The following PTPRM variants were observed in gnomAD, a reference collection of about 807,000 sequenced individuals.
The protein encoded by PTPRM is protein tyrosine phosphatase receptor type M, also known as receptor-type tyrosine-protein phosphatase mu.
PTPRM carries 47 observed loss-of-function variants against 186.7 expected under a neutral mutation model. The observed-to-expected ratio is 0.25, with a 90% confidence interval of 0.20 to 0.32. PTPRM has a LOEUF of 0.32. Ranked by LOEUF, PTPRM falls within the 10% of genes least tolerant of loss-of-function variation. The pLI, the probability that PTPRM is intolerant of heterozygous loss-of-function variation, is 1.00. For synonymous variants in PTPRM, 668 were observed against 674.9 expected (o/e 0.99, Z 0.16); for missense variants, 1,494 against 1,865.0 (o/e 0.80, Z 3.66).
intron 1 of PTPRM, among the ~76,000 whole-genome samples, chr18:7,768,385 CT>C (rs1469164053): frequency 3.3e-5 from 5 of 152,018 alleles, no homozygotes; most frequent in African/African-American, 1.2e-4. Context: ...CCCAGGTACT[CT>C]GGAGGCTGAG....
rs112835362 is a variant in PTPRM, at chr18:8,050,491, G to GAA, written c.1133-19185_1133-19184dup. 6.3e-4 allele frequency among the ~76,000 whole-genome samples: 90 copies of GAA among 142,770 alleles called. No homozygotes were observed. The East Asian group carries it at 0.015, about 23-fold the overall frequency. The allele number at this position is 142,770 out of a possible 152,430, so 93.7% of individuals were successfully genotyped here. A position where few individuals can be genotyped will look rare whatever the true frequency, so the allele number is the denominator to read the frequency against. On this transcript the variant is annotated intron_variant, in intron 7 of 32. Transcript: ENST00000580170. ...AGTGAATAAGTGGTATTAGTTTCCTGAAAAAAAAAAACCCTCCATACACTC... is the reference window on the plus strand; with the variant it reads ...AGTGAATAAGTGGTATTAGTTTCCTGAAAAAAAAAAAAACCCTCCATACACTC...
intron 22 of PTPRM, among the ~76,000 whole-genome samples, chr18:8,341,612 A>G (rs595649): frequency 0.48 from 73,376 of 151,788 alleles, 20,645 homozygotes; most frequent in Middle Eastern, 0.71. Flanking sequence ...TTCATCCACT[A>G]GAGCCATTGT....
intron 1 of PTPRM, among the ~76,000 whole-genome samples, chr18:7,589,625 A>G (rs1461328493): frequency 6.6e-6 from 1 of 152,174 alleles, no homozygotes; most frequent in Non-Finnish European, 1.5e-5. Flanking sequence ...TAGTAACTCA[A>G]TTCTGGTCTT....
intron 1 of PTPRM, among the ~76,000 whole-genome samples, chr18:7,676,375 T>C (rs2039336043): frequency 6.6e-6 from 1 of 152,184 alleles, no homozygotes. Context: ...TCTCTTCTTC[T>C]AGGGTGTTGG....
intron 1 of PTPRM, among the ~76,000 whole-genome samples, chr18:7,658,627 C>T (rs1568011050): frequency 6.6e-6 from 1 of 152,070 alleles, no homozygotes; most frequent in Admixed American, 6.6e-5. Flanking sequence ...TGAAGCCTAA[C>T]ATAACTTACA....
intron 22 of PTPRM, among the ~76,000 whole-genome samples, chr18:8,329,826 T>C (rs1273199517): frequency 6.6e-6 from 1 of 152,114 alleles, no homozygotes; most frequent in Non-Finnish European, 1.5e-5. Context: ...AGAGACATGG[T>C]CTCACTCTGT....
At chr18:8,193,570 C>T (rs1305922111) in intron 14 of PTPRM, among the ~76,000 whole-genome samples, 1 of 152,244 alleles carries the variant, frequency 6.6e-6, no homozygotes, top group African/African-American at 2.4e-5. Context: ...GCCAGATGCC[C>T]TCCCCACAGG....
intron 1 of PTPRM, among the ~76,000 whole-genome samples, chr18:7,714,092 T>C (rs1176369852): frequency 2.6e-5 from 4 of 152,178 alleles, no homozygotes; most frequent in African/African-American, 9.7e-5. Flanking sequence ...CACGTTGCAC[T>C]TACTCTAAAA....
intron 23 of PTPRM, among the ~76,000 whole-genome samples, chr18:8,369,692 A>G (rs1303973431): frequency 1.3e-5 from 2 of 152,258 alleles, no homozygotes; most frequent in Non-Finnish European, 1.5e-5. Flanking sequence ...ACAGCGGCCC[A>G]TGCCTGTAAC....
At chr18:7,925,470 A>G (rs2051116774) in intron 4 of PTPRM, among the ~76,000 whole-genome samples, 1 of 152,038 alleles carries the variant, frequency 6.6e-6, no homozygotes, top group Non-Finnish European at 1.5e-5. Flanking sequence ...TCCATTCCTA[A>G]TTACGTTCTG....
At chr18:7,907,782 G>A (rs1451921293) in intron 4 of PTPRM, among the ~76,000 whole-genome samples, 1 of 152,026 alleles carries the variant, frequency 6.6e-6, no homozygotes, top group East Asian at 1.9e-4. Flanking sequence ...ATGCGCATGT[G>A]TGTGCTCTTT....
intron 7 of PTPRM, among the ~76,000 whole-genome samples, chr18:7,960,756 A>AAT (rs1412784583): frequency 1.3e-5 from 2 of 151,392 alleles, no homozygotes; most frequent in Admixed American, 6.6e-5. Context: ...CCCTGTCTCT[A>AAT]ATATATATAT....
chr18:8,237,591 A>G (rs887822143), intron 14 of PTPRM, among the ~76,000 whole-genome samples: 14 of 151,662 alleles, frequency 9.2e-5, no homozygotes, highest in Non-Finnish European at 1.8e-4. Context: ...TGAGATTACA[A>G]GCATGCGCCA....
chr18:8,051,000 A>T (rs1050412492), intron 7 of PTPRM, among the ~76,000 whole-genome samples: 7 of 152,180 alleles, frequency 4.6e-5, no homozygotes, highest in Admixed American at 4.6e-4. Flanking sequence ...GCTTTTAGGA[A>T]CCAAGGTCTA....
At chr18:8,181,858 G>A (rs111666127) in intron 14 of PTPRM, among the ~76,000 whole-genome samples, 1,453 of 84,642 alleles carry the variant, frequency 0.017, 21 homozygotes, top group African/African-American at 0.066. Flanking sequence ...TTTTTAATAC[G>A]TGAAAAAAAA....
At chr18:7,984,676 AT>A (rs1159138632) in intron 7 of PTPRM, among the ~76,000 whole-genome samples, 2 of 115,264 alleles carry the variant, frequency 1.7e-5, no homozygotes, top group African/African-American at 5.7e-5. Context: ...ATACACACAT[AT>A]ATAATTATAT....
In PTPRM at chr18:8,248,077, G is replaced by A. The variant is rs1568598819; in HGVS notation, c.2528-73G>A. Reference sequence around the variant, plus strand: ...GCTTTCTATGCAGAAAATAGGGGTGGGCATTCATCAATCATTTACTGTTCT... The same window carrying A: ...GCTTTCTATGCAGAAAATAGGGGTGAGCATTCATCAATCATTTACTGTTCT... On this transcript the variant is annotated intron_variant, in intron 16 of 32. Coordinates refer to ENST00000580170, the MANE Select transcript of PTPRM (RefSeq NM_001105244.2). The A allele has an allele frequency of 2.8e-6, 4 of 1,409,970 alleles. No individual in the cohort carries two copies. In the South Asian group the frequency reaches 3.5e-5, roughly 12 times the overall value. 87.3% of individuals were successfully genotyped at this position (1,409,970 alleles called of 1,614,324 possible). A position where few individuals can be genotyped will look rare whatever the true frequency, so the allele number is the denominator to read the frequency against.
At chr18:7,704,975 A>G (rs983396490) in intron 1 of PTPRM, among the ~76,000 whole-genome samples, 1 of 152,120 alleles carries the variant, frequency 6.6e-6, no homozygotes, top group Admixed American at 6.6e-5. Flanking sequence ...TAGTTTCACT[A>G]TGTGATATAT....
chr18:8,010,199 A>T (rs1028145682), intron 7 of PTPRM, among the ~76,000 whole-genome samples: 2 of 152,154 alleles, frequency 1.3e-5, no homozygotes, highest in South Asian at 4.1e-4. Context: ...TTGCTTTGTG[A>T]TTTATAAGAC....
Sources: allele counts gnomAD v4.1 joint callset (sites outside exome capture counted in the v4.1 genomes callset), GRCh38; gene constraint gnomAD v4.1.1; transcripts MANE v1.5; gene names NCBI Gene and HGNC (gene_info 2026-07-23, HGNC 2026-07-21).